KSR1: variants seen among roughly 807,000 people sequenced by gnomAD.
KSR1 encodes the protein kinase suppressor of ras.
Under a neutral mutation model 92.9 loss-of-function variants are expected in KSR1, and 35 were observed. That is an observed-to-expected ratio of 0.38 (90% CI 0.29 to 0.50). The LOEUF (loss-of-function observed/expected upper bound fraction) is 0.50. KSR1 is among the 20% of genes least tolerant of loss of function. The pLI, the probability that KSR1 is intolerant of heterozygous loss-of-function variation, is 0.94. For missense variants in KSR1, 972 were observed against 1,158.5 expected, an observed-to-expected ratio of 0.84 and a Z score of 2.34; for synonymous variants, 467 against 472.6, an observed-to-expected ratio of 0.99 and a Z score of 0.15.
chr17:27,550,836 G>T, intron 2 of KSR1, 128 bp downstream of exon 2: 1 of 622,200 alleles, frequency 1.6e-6, no homozygotes, highest in Non-Finnish European at 3.0e-6. Flanking sequence ...TTGAGAAGGA[G>T]GATGGGGAGG....
intron 2 of KSR1, among the ~76,000 whole-genome samples, chr17:27,555,722 C>T (rs537463735): frequency 6.6e-5 from 10 of 152,286 alleles, no homozygotes; most frequent in Non-Finnish European, 8.8e-5. Context: ...ATACGTATAA[C>T]GTAATTTACC....
At chr17:27,465,584 GA>G (rs1316896054) in intron 1 of KSR1, 1 of 152,130 alleles carries the variant, frequency 6.6e-6, no homozygotes, top group African/African-American at 2.4e-5. Flanking sequence ...AAAAAGGGGG[GA>G]AAGTGTAATG....
chr17:27,464,169 A>C (rs899233858), intron 1 of KSR1, among the ~76,000 whole-genome samples: 6 of 152,150 alleles, frequency 3.9e-5, no homozygotes, highest in African/African-American at 1.4e-4. Flanking sequence ...GGTTTCCTGC[A>C]GGAAGAAGCA....
Position 27,610,086 on chromosome 17 carries a change from C to A in KSR1, c.2245C>A (p.Leu749Met), listed in dbSNP as rs1405720733. Residue 749 changes from leucine (L) to methionine (M), a missense_variant, in exon 17 of 21, where the codon CTG (leucine) becomes ATG (methionine). By Grantham distance (15) the Leu-to-Met change is conservative (BLOSUM62 2). Around this residue, in one of 5 missense-constraint regions of KSR1, gnomAD observed 260 missense variants for 375.2 expected, o/e 0.69. Coordinates refer to ENST00000644974, the MANE Select transcript of KSR1 (RefSeq NM_001394583.1). ...CTCCAGGCGTGAGAACCAGCTAAAG[C>A]TGTCCCACGACTGGCTGTGCTATCT... Reference protein sequence around the residue: ...REGRRENQLKLSHDWLCYLAP... With the variant: ...REGRRENQLKMSHDWLCYLAP... 5 of 1,613,990 alleles carry A rather than the reference C, an allele frequency of 3.1e-6. No individual in the cohort carries two copies. In the South Asian group the frequency reaches 3.3e-5, roughly 11 times the overall value.
intron 1 of KSR1, among the ~76,000 whole-genome samples, chr17:27,521,581 G>A (rs2070036029): frequency 6.6e-6 from 1 of 152,114 alleles, no homozygotes; most frequent in African/African-American, 2.4e-5. Context: ...ACAGACATGA[G>A]CCACCACGCC....
At chr17:27,576,219 T>C (rs1023528360) in intron 2 of KSR1, among the ~76,000 whole-genome samples, 1 of 152,192 alleles carries the variant, frequency 6.6e-6, no homozygotes, top group Non-Finnish European at 1.5e-5. Context: ...TTGGATAATT[T>C]CCCTTTTGCT....
At chr17:27,493,502 G>T (rs2068887575) in intron 1 of KSR1, among the ~76,000 whole-genome samples, 1 of 152,162 alleles carries the variant, frequency 6.6e-6, no homozygotes, top group Non-Finnish European at 1.5e-5. Flanking sequence ...GCCCCGTGGT[G>T]CTCGGTAGAC....
rs534193764 is a variant in KSR1, at chr17:27,512,974, G to A, written c.232-37594G>A. ...TCATGACCTCTTCTCTTACTGCCAC[G>A]CACAACATTAGCTTGACTTTAGTAG... On this transcript the variant is annotated intron_variant, in intron 1 of 20. Transcript: ENST00000644974. 3.9e-5 allele frequency among the ~76,000 whole-genome samples: 6 copies of A among 152,136 alleles called. 1 individual carries two copies. Among genetic ancestry groups the A allele is most frequent in the Admixed American group, 2.0e-4 (3 of 15,282 alleles).
At chr17:27,573,302 C>T (rs968851242) in intron 2 of KSR1, among the ~76,000 whole-genome samples, 3 of 152,210 alleles carry the variant, frequency 2.0e-5, no homozygotes, top group African/African-American at 7.2e-5. Flanking sequence ...CCCCTTTCCC[C>T]AACACCAAGG....
intron 1 of KSR1, among the ~76,000 whole-genome samples, chr17:27,490,949 T>C (rs532672014): frequency 6.6e-6 from 1 of 152,250 alleles, no homozygotes; most frequent in African/African-American, 2.4e-5. Flanking sequence ...AGGGACAAAG[T>C]AGATCTATGG....
chr17:27,573,616 T>C (rs1363847737), intron 2 of KSR1, among the ~76,000 whole-genome samples: 1 of 152,224 alleles, frequency 6.6e-6, no homozygotes, highest in Non-Finnish European at 1.5e-5. Flanking sequence ...TGAAAGTAGG[T>C]AGAAATTAAT....
At chr17:27,517,353 G>T (rs1271745510) in intron 1 of KSR1, among the ~76,000 whole-genome samples, 2 of 151,772 alleles carry the variant, frequency 1.3e-5, no homozygotes, top group African/African-American at 4.8e-5. Flanking sequence ...TTTTGAGCCA[G>T]AGTCTCACTC....
At chr17:27,575,426 A>C (rs1341667353) in intron 2 of KSR1, among the ~76,000 whole-genome samples, 2 of 152,144 alleles carry the variant, frequency 1.3e-5, no homozygotes, top group African/African-American at 4.8e-5. Flanking sequence ...AATGCATTAT[A>C]ATGAGCATAT....
At chr17:27,462,379 A>G (rs1396950507) in intron 1 of KSR1, among the ~76,000 whole-genome samples, 2 of 152,094 alleles carry the variant, frequency 1.3e-5, no homozygotes, top group Non-Finnish European at 2.9e-5. Flanking sequence ...AATGGCCAAT[A>G]ATAAAAAGGG....
chr17:27,572,344 A>G (rs932724610), intron 2 of KSR1, among the ~76,000 whole-genome samples: 3 of 152,200 alleles, frequency 2.0e-5, no homozygotes, highest in African/African-American at 7.2e-5. Context: ...GGGACTGGGC[A>G]TCTCTCAAGA....
At chr17:27,591,007 C>T (rs2073149307) in intron 7 of KSR1, 113 bp downstream of exon 7, 12 of 859,898 alleles carry the variant, frequency 1.4e-5, no homozygotes, top group Middle Eastern at 2.3e-4. Flanking sequence ...AGGGAGTGAT[C>T]AGGTCTCTTC....
intron 1 of KSR1, among the ~76,000 whole-genome samples, chr17:27,521,189 A>G (rs1423117282): frequency 6.6e-6 from 1 of 152,074 alleles, no homozygotes; most frequent in African/African-American, 2.4e-5. Context: ...GCATCTCTAT[A>G]TGTATACCCG....
chr17:27,466,253 G>T (rs1290198129), intron 1 of KSR1, among the ~76,000 whole-genome samples: 1 of 152,232 alleles, frequency 6.6e-6, no homozygotes, highest in Non-Finnish European at 1.5e-5. Flanking sequence ...ATGAAACTGA[G>T]GTGCTGTTTG....
intron 1 of KSR1, among the ~76,000 whole-genome samples, chr17:27,485,902 G>T (rs889817779): frequency 2.6e-5 from 4 of 152,248 alleles, no homozygotes; most frequent in East Asian, 1.9e-4. Context: ...ATTGAAAGAG[G>T]CTCTGTGTGC....
Sources: gnomAD v4.1 joint callset for allele counts (sites outside exome capture counted in the v4.1 genomes callset) on GRCh38, gnomAD v4.1.1 for gene constraint, gnomAD v4.1.1 regional missense constraint, MANE v1.5 for transcripts, NCBI Gene and HGNC (gene_info 2026-07-23, HGNC 2026-07-21) for gene names.